Variants in COL26A1 observed in about 807,000 individuals in gnomAD.
COL26A1 encodes the protein collagen alpha-1(XXVI) chain.
In COL26A1, 41 loss-of-function variants were observed where a neutral mutation model predicts 59.3. That is an observed-to-expected ratio of 0.69 (90% confidence interval 0.54 to 0.90). The LOEUF is 0.90. COL26A1 is among the 40% of genes least tolerant of loss of function. The probability of loss-of-function intolerance (pLI) is 0.00; values close to 1 mark genes in which losing one functional copy is unlikely to be tolerated. For synonymous variants in COL26A1, 266 were observed against 256.0 expected (o/e 1.04, Z -0.37); for missense variants, 612 against 602.3 (o/e 1.02, Z -0.17).
intron 1 of COL26A1, among the ~76,000 whole-genome samples, chr7:101,404,201 G>A (rs1453622001): frequency 6.6e-6 from 1 of 152,178 alleles, no homozygotes; most frequent in East Asian, 1.9e-4. Flanking sequence ...GGCAGAGCAG[G>A]AGGCAGGGTC....
chr7:101,385,405 CTG>C lies in COL26A1; in HGVS notation c.158+22217_158+22218del, dbSNP rs1171912786. Among the ~76,000 whole-genome samples, 7 of 135,856 alleles carry C rather than the reference CTG, an allele frequency of 5.2e-5. No homozygotes were observed. The East Asian group carries it at 1.5e-3, about 29-fold the overall frequency. 89.1% of individuals were successfully genotyped at this position (135,856 alleles called of 152,430 possible). ...TATATATTTGTGACGGAGTCTCACTCTGTTGCCCAGGCTGCAGTGCAGTGGCG... is the reference window on the plus strand; with the variant it reads ...TATATATTTGTGACGGAGTCTCACTCTTGCCCAGGCTGCAGTGCAGTGGCG... On this transcript the variant is annotated intron_variant, in intron 1 of 12. Coordinates refer to ENST00000313669, the MANE Select transcript of COL26A1 (RefSeq NM_001278563.3).
intron 3 of COL26A1, among the ~76,000 whole-genome samples, chr7:101,501,217 G>GAAAAAAAAAAA (rs111556828): frequency 1.8e-5 from 2 of 113,034 alleles, no homozygotes; most frequent in African/African-American, 6.9e-5. Context: ...GAAAAGAAAA[G>GAAAAAAAAAAA]AAAAAAAAAA....
intron 3 of COL26A1, among the ~76,000 whole-genome samples, chr7:101,454,388 A>G (rs1454700555): frequency 6.6e-6 from 1 of 151,006 alleles, no homozygotes. Context: ...CCTTCCAAGT[A>G]GCTGGGATTA....
chr7:101,550,837 C>CA (rs397726013), intron 9 of COL26A1, among the ~76,000 whole-genome samples: 1 of 152,182 alleles, frequency 6.6e-6, no homozygotes, highest in African/African-American at 2.4e-5. Context: ...ACCTGCTCCC[C>CA]TTCTCTGCCT....
intron 1 of COL26A1, among the ~76,000 whole-genome samples, chr7:101,412,361 T>G (rs918869943): frequency 1.3e-5 from 2 of 151,952 alleles, no homozygotes; most frequent in Non-Finnish European, 2.9e-5. Context: ...CAATTAAAAG[T>G]GGGGCCGGCA....
intron 7 of COL26A1, 99 bp downstream of exon 7, chr7:101,545,589 A>T (rs1450386035): frequency 4.6e-6 from 6 of 1,297,502 alleles, no homozygotes; most frequent in Admixed American, 3.0e-5. Context: ...GGACCCCACC[A>T]CATGCCCATC....
chr7:101,451,590 A>G (rs1793339146), intron 3 of COL26A1, among the ~76,000 whole-genome samples: 1 of 150,564 alleles, frequency 6.6e-6, no homozygotes, highest in African/African-American at 2.4e-5. Context: ...AAAGTATATA[A>G]TTTATATATG....
chr7:101,430,760 G>C (rs1468254589), intron 2 of COL26A1, among the ~76,000 whole-genome samples: 1 of 151,832 alleles, frequency 6.6e-6, no homozygotes, highest in Non-Finnish European at 1.5e-5. Context: ...TGTCAACAGA[G>C]ACAGTCTTAT....
At chr7:101,388,987 C>A in intron 1 of COL26A1, 2 of 298,002 alleles carry the variant, frequency 6.7e-6, no homozygotes, top group Non-Finnish European at 6.5e-6. Flanking sequence ...GGATTTTGGC[C>A]GCCATGGGGC....
intron 3 of COL26A1, among the ~76,000 whole-genome samples, chr7:101,483,990 A>AGT (rs55863250): frequency 0.11 from 13,565 of 127,784 alleles, 734 homozygotes; most frequent in Admixed American, 0.15. Flanking sequence ...AACTTTTTAA[A>AGT]GTGTGTGTGT....
At chr7:101,423,458 G>T (rs184608330) in intron 2 of COL26A1, among the ~76,000 whole-genome samples, 1 of 152,158 alleles carries the variant, frequency 6.6e-6, no homozygotes, top group East Asian at 1.9e-4. Context: ...GGTCCGGCCC[G>T]GCGTGGTGGC....
chr7:101,509,637 AC>A (rs1303123991), intron 3 of COL26A1, among the ~76,000 whole-genome samples: 1 of 151,352 alleles, frequency 6.6e-6, no homozygotes, highest in African/African-American at 2.4e-5. Flanking sequence ...GTTCATTCCC[AC>A]CCCCAGAATG....
intron 11 of COL26A1, among the ~76,000 whole-genome samples, chr7:101,555,213 G>A (rs934460468): frequency 6.6e-6 from 1 of 152,030 alleles, no homozygotes; most frequent in South Asian, 2.1e-4. Flanking sequence ...TGTGCAGACC[G>A]GGCCCTTGAA....
intron 2 of COL26A1, among the ~76,000 whole-genome samples, chr7:101,442,186 G>A (rs771626394): frequency 7.9e-5 from 12 of 151,912 alleles, no homozygotes; most frequent in Non-Finnish European, 1.8e-4. Flanking sequence ...CTCGTAGTCG[G>A]AAGACCATTT....
intron 1 of COL26A1, among the ~76,000 whole-genome samples, chr7:101,396,179 A>G (rs1791851637): frequency 6.6e-6 from 1 of 151,930 alleles, no homozygotes; most frequent in Non-Finnish European, 1.5e-5. Context: ...AGGGGGGGAT[A>G]ATTGCTTGAA....
At chr7:101,430,524 C>T (rs535226363) in intron 2 of COL26A1, among the ~76,000 whole-genome samples, 27 of 149,908 alleles carry the variant, frequency 1.8e-4, no homozygotes, top group Non-Finnish European at 2.8e-4. Context: ...CTCTTGACCT[C>T]ATGATCTGCC....
intron 3 of COL26A1, among the ~76,000 whole-genome samples, chr7:101,506,703 G>A (rs895909556): frequency 3.9e-5 from 6 of 152,182 alleles, no homozygotes; most frequent in African/African-American, 1.4e-4. Context: ...TGGGCACCAC[G>A]GTCCCTAAGG....
chr7:101,515,852 G>A (rs1479747124), intron 3 of COL26A1, among the ~76,000 whole-genome samples: 1 of 152,186 alleles, frequency 6.6e-6, no homozygotes, highest in African/African-American at 2.4e-5. Context: ...GCCTCCCAAA[G>A]TGCTGGGATT....
chr7:101,541,306 C>T (rs891095647), intron 5 of COL26A1, among the ~76,000 whole-genome samples: 2 of 152,110 alleles, frequency 1.3e-5, no homozygotes, highest in African/African-American at 4.8e-5. Flanking sequence ...AGGACATCTG[C>T]CCCCCTGCCT....
Sources: gnomAD v4.1 joint callset for allele counts (sites outside exome capture counted in the v4.1 genomes callset) on GRCh38, gnomAD v4.1.1 for gene constraint, MANE v1.5 for transcripts, NCBI Gene and HGNC (gene_info 2026-07-23, HGNC 2026-07-21) for gene names.